SPECC1: variants seen among roughly 807,000 people sequenced by gnomAD.
SPECC1 encodes sperm antigen with calponin homology and coiled-coil domains 1, also known as cytospin-B.
SPECC1 carries 62 observed loss-of-function variants against 104.1 expected under a neutral mutation model. The observed-to-expected ratio is 0.60, with a 90% CI of 0.49 to 0.74. SPECC1 has a LOEUF of 0.74. SPECC1 is among the 30% of genes least tolerant of loss of function. The pLI is 0.00. For synonymous variants in SPECC1, 513 were observed against 501.6 expected (o/e 1.02, Z -0.30); for missense variants, 1,306 against 1,310.5 (o/e 1.00, Z 0.05).
At chr17:20,016,883 G>T (rs2044153909) in intron 1 of SPECC1, among the ~76,000 whole-genome samples, 2 of 152,268 alleles carry the variant, frequency 1.3e-5, no homozygotes, top group South Asian at 4.1e-4. Flanking sequence ...AGCCAGCTGG[G>T]CTCCTGAGTC....
At chr17:20,022,149 G>A (rs1413331512) in intron 1 of SPECC1, among the ~76,000 whole-genome samples, 1 of 151,298 alleles carries the variant, frequency 6.6e-6, no homozygotes, top group East Asian at 2.0e-4. Flanking sequence ...CACCATGTTA[G>A]CCAGGATGGT....
At chr17:20,266,656 A>G (rs1012156480) in intron 12 of SPECC1, among the ~76,000 whole-genome samples, 1 of 152,232 alleles carries the variant, frequency 6.6e-6, no homozygotes, top group Non-Finnish European at 1.5e-5. Context: ...CCCTGCTCTC[A>G]TGGAACTTAA....
chr17:20,043,056 T>C (rs2045396949), intron 1 of SPECC1, among the ~76,000 whole-genome samples: 1 of 152,196 alleles, frequency 6.6e-6, no homozygotes, highest in African/African-American at 2.4e-5. Context: ...AACTGAGTTT[T>C]CTTTGGAGAG....
At chr17:20,071,098 C>A (rs1171038894) in intron 1 of SPECC1, among the ~76,000 whole-genome samples, 1 of 152,082 alleles carries the variant, frequency 6.6e-6, no homozygotes, top group African/African-American at 2.4e-5. Context: ...CAAGCACAAT[C>A]ATAGTGCGCT....
chr17:20,232,428 C>G (rs1429224688), intron 7 of SPECC1, 23 bp downstream of exon 7: 1 of 1,581,960 alleles, frequency 6.3e-7, no homozygotes, highest in Middle Eastern at 1.7e-4. Flanking sequence ...GGCACCAGGG[C>G]CGTGCTTGCT....
intron 3 of SPECC1, among the ~76,000 whole-genome samples, chr17:20,134,098 T>C (rs982786008): frequency 2.7e-5 from 4 of 150,404 alleles, no homozygotes; most frequent in Admixed American, 1.3e-4. Context: ...CAAACATGTA[T>C]ATATTTATGT....
At chr17:20,092,809 G>A (rs1186744067) in intron 1 of SPECC1, among the ~76,000 whole-genome samples, 1 of 152,214 alleles carries the variant, frequency 6.6e-6, no homozygotes, top group Non-Finnish European at 1.5e-5. Flanking sequence ...ATTGGGTGAA[G>A]ATGTAGAGAA....
chr17:20,204,953 A>G lies in SPECC1; in HGVS notation c.904A>G (p.Lys302Glu). Residue 302 changes from lysine to glutamate, a missense_variant, in exon 4 of 15, where the codon AAA (lysine) becomes GAA (glutamate). Lys to Glu is a moderately conservative substitution (Grantham distance 56). Coordinates refer to ENST00000395527, the MANE Select transcript of SPECC1 (RefSeq NM_001243439.2). Reference protein sequence around the residue: ...QMSSDIDEYKKNIHGNALRTS... With the variant: ...QMSSDIDEYKENIHGNALRTS... ...GTCCAGTGACATTGATGAGTATAAA[A>G]AAAACATACATGGAAATGCATTACG... 6.2e-7 allele frequency: 1 copy of G among 1,614,206 alleles called. No homozygotes were observed. The highest frequency in any genetic ancestry group is 8.5e-7 in the Non-Finnish European group (1 of 1,180,034).
At chr17:20,244,403 A>G (rs1445556832) in intron 7 of SPECC1, among the ~76,000 whole-genome samples, 1 of 152,240 alleles carries the variant, frequency 6.6e-6, no homozygotes, top group Non-Finnish European at 1.5e-5. Context: ...TCTCAATAAA[A>G]TTATTTAAAA....
At chr17:20,012,368 C>T (rs1327858736) in intron 1 of SPECC1, among the ~76,000 whole-genome samples, 1 of 151,722 alleles carries the variant, frequency 6.6e-6, no homozygotes, top group Non-Finnish European at 1.5e-5. Context: ...CATTATGATT[C>T]TTGTAGGGGT....
At position 20,290,021 on chromosome 17, in the gene SPECC1, C is replaced by T. The variant is rs139435915; in HGVS notation, c.2941-6940C>T. On this transcript the variant is annotated intron_variant, in intron 12 of 14. Coordinates refer to ENST00000395527, the MANE Select transcript of SPECC1 (RefSeq NM_001243439.2). ...AATAATTCTTTTTTAAGATGGTACACATTCTCCTTTTTCCTGTGTTGTTTC... is the reference window on the plus strand; with the variant it reads ...AATAATTCTTTTTTAAGATGGTACATATTCTCCTTTTTCCTGTGTTGTTTC... Among the ~76,000 whole-genome samples, 1,172 of 152,176 alleles carry T rather than the reference C, an allele frequency of 7.7e-3. 9 individuals are homozygous for T. Among genetic ancestry groups the T allele is most frequent in the African/African-American group, 0.027 (1,108 of 41,492 alleles).
At chr17:20,144,638 T>C (rs938827371) in intron 3 of SPECC1, among the ~76,000 whole-genome samples, 2 of 152,220 alleles carry the variant, frequency 1.3e-5, no homozygotes, top group African/African-American at 2.4e-5. Flanking sequence ...ATGATGACTT[T>C]GATTTTTCTG....
chr17:20,291,568 A>ACAAAC (rs1333118045), intron 12 of SPECC1, among the ~76,000 whole-genome samples: 1 of 151,878 alleles, frequency 6.6e-6, no homozygotes, highest in Non-Finnish European at 1.5e-5. Flanking sequence ...TTTTTAAAAG[A>ACAAAC]CGGTTTTGCT....
At chr17:20,202,772 T>C (rs1454213726) in intron 3 of SPECC1, among the ~76,000 whole-genome samples, 1 of 152,212 alleles carries the variant, frequency 6.6e-6, no homozygotes, top group Non-Finnish European at 1.5e-5. Flanking sequence ...CACAGAGTTT[T>C]GACTGCATGA....
At chr17:20,109,579 C>T (rs919902537) in intron 2 of SPECC1, among the ~76,000 whole-genome samples, 16 of 152,192 alleles carry the variant, frequency 1.1e-4, no homozygotes, top group African/African-American at 3.4e-4. Context: ...GAACAGAGGG[C>T]GCTGCTTTCT....
chr17:20,236,333 T>G (rs2038909075), intron 7 of SPECC1, among the ~76,000 whole-genome samples: 1 of 152,208 alleles, frequency 6.6e-6, no homozygotes, highest in Non-Finnish European at 1.5e-5. Flanking sequence ...TAGTACTCTT[T>G]TTTTCATAGT....
At chr17:20,072,077 CT>C (rs1198560327) in intron 1 of SPECC1, among the ~76,000 whole-genome samples, 1 of 152,206 alleles carries the variant, frequency 6.6e-6, no homozygotes, top group Non-Finnish European at 1.5e-5. Context: ...ACCTCAGGCT[CT>C]TTTCTGGGAG....
intron 3 of SPECC1, among the ~76,000 whole-genome samples, chr17:20,174,846 C>G (rs1300358206): frequency 1.3e-5 from 2 of 152,250 alleles, no homozygotes; most frequent in Middle Eastern, 3.4e-3. Flanking sequence ...CCTTGCCGAC[C>G]TCACCAGGGC....
intron 14 of SPECC1, among the ~76,000 whole-genome samples, chr17:20,307,665 C>T (rs1598178207): frequency 6.6e-6 from 1 of 152,236 alleles, no homozygotes; most frequent in East Asian, 1.9e-4. Flanking sequence ...ATAATAGTGT[C>T]TGTCTCAGAG....
Sources: allele counts gnomAD v4.1 joint callset (sites outside exome capture counted in the v4.1 genomes callset), GRCh38; gene constraint gnomAD v4.1.1; transcripts MANE v1.5; gene names NCBI Gene and HGNC (gene_info 2026-07-23, HGNC 2026-07-21).